The following EIF3L variants were observed in gnomAD, a reference collection of about 807,000 sequenced individuals.
The protein encoded by EIF3L is eIEF associated protein HSPC021.
Under a neutral mutation model 74.6 loss-of-function variants are expected in EIF3L, and 32 were observed. The ratio of observed to expected loss-of-function variants is 0.43; its 90% CI spans 0.32 to 0.58. The LOEUF is 0.58. EIF3L is among the 20% of genes least tolerant of loss of function. The pLI, the probability that EIF3L is intolerant of heterozygous loss-of-function variation, is 0.06. For missense variants in EIF3L, 474 were observed against 707.8 expected, an observed-to-expected ratio of 0.67 and a Z score of 3.75; for synonymous variants, 256 against 254.4, an observed-to-expected ratio of 1.01 and a Z score of -0.06.
intron 3 of EIF3L, among the ~76,000 whole-genome samples, chr22:37,854,571 G>A (rs745656183): frequency 1.3e-5 from 2 of 152,218 alleles, no homozygotes; most frequent in African/African-American, 2.4e-5. Flanking sequence ...GGCTCCAAGC[G>A]ATTCTCCTGC....
chr22:37,858,561 C>T, intron 4 of EIF3L, 118 bp from the exon 5 acceptor site: 1 of 869,880 alleles, frequency 1.1e-6, no homozygotes, highest in Non-Finnish European at 1.9e-6. Flanking sequence ...ATATGCATAG[C>T]AATTTAGATG....
At chr22:37,873,983 T>C (rs1164287803) in intron 8 of EIF3L, among the ~76,000 whole-genome samples, 1 of 152,208 alleles carries the variant, frequency 6.6e-6, no homozygotes. Context: ...ACATAGTGTT[T>C]GCATCATGCA....
intron 4 of EIF3L, among the ~76,000 whole-genome samples, chr22:37,857,552 C>T (rs1346245164): frequency 1.3e-5 from 2 of 150,610 alleles, no homozygotes; most frequent in African/African-American, 2.4e-5. Flanking sequence ...TTTTTTTCCC[C>T]CTAAGATGGA....
intron 11 of EIF3L, 82 bp downstream of exon 11, chr22:37,878,253 C>T (rs541985241): frequency 4.1e-5 from 61 of 1,490,068 alleles, no homozygotes; most frequent in Admixed American, 6.8e-5. Context: ...TGAAGTATAT[C>T]GGGGAACAAA....
intron 3 of EIF3L, among the ~76,000 whole-genome samples, chr22:37,853,749 C>G (rs1247989283): frequency 6.6e-6 from 1 of 151,920 alleles, no homozygotes; most frequent in Non-Finnish European, 1.5e-5. Flanking sequence ...GATATTTGCC[C>G]TTTTTTTTCT....
At chr22:37,858,830 A>G in intron 5 of EIF3L, 90 bp downstream of exon 5, 1 of 1,183,454 alleles carries the variant, frequency 8.4e-7, no homozygotes, top group Non-Finnish European at 1.2e-6. Flanking sequence ...ATTTGTTTAT[A>G]TTGGTTCAGT....
intron 7 of EIF3L, among the ~76,000 whole-genome samples, chr22:37,868,312 A>G (rs1033520832): frequency 6.8e-6 from 1 of 146,928 alleles, no homozygotes; most frequent in African/African-American, 2.5e-5. Flanking sequence ...TTTAGTAGAG[A>G]CGGGGTTTCA....
At chr22:37,876,062 T>C in intron 10 of EIF3L, 51 bp downstream of exon 10, 1 of 1,572,400 alleles carries the variant, frequency 6.4e-7, no homozygotes, top group South Asian at 1.1e-5. Flanking sequence ...AGGGGGATCC[T>C]TGGCACCTAT....
Position 37,886,750 on chromosome 22 carries a change from T to G in EIF3L, c.1576-15T>G, listed in dbSNP as rs911766801. 10 of 1,603,810 alleles carry G rather than the reference T, an allele frequency of 6.2e-6. No individual in the cohort carries two copies. The stretch of plus-strand genomic sequence containing the variant: ...CCACCTGGCTGCTCTTCCCTGACTG[T>G]GCTTTCCCCCACAGGACATGATCCA... On this transcript the variant is annotated splice_polypyrimidine_tract_variant and intron_variant, in intron 11 of 12. Coordinates refer to ENST00000652021, the MANE Select transcript of EIF3L (RefSeq NM_016091.4).
At chr22:37,870,580 T>G (rs1480507669) in intron 8 of EIF3L, among the ~76,000 whole-genome samples, 1 of 152,222 alleles carries the variant, frequency 6.6e-6, no homozygotes, top group Non-Finnish European at 1.5e-5. Flanking sequence ...AGATTTGCGT[T>G]TGTAAACACT....
intron 3 of EIF3L, among the ~76,000 whole-genome samples, chr22:37,853,283 A>G (rs1925328192): frequency 6.6e-6 from 1 of 152,218 alleles, no homozygotes; most frequent in Admixed American, 6.6e-5. Context: ...TGAGGGGCAC[A>G]AGGCAGAAGA....
chr22:37,872,393 G>C (rs1926524227), intron 8 of EIF3L, among the ~76,000 whole-genome samples: 1 of 152,046 alleles, frequency 6.6e-6, no homozygotes, highest in Admixed American at 6.6e-5. Context: ...CAAAGTGCTG[G>C]GGTTACATGC....
At position 37,888,529 on chromosome 22, in the gene EIF3L, G is replaced by A. The variant is rs8646; in HGVS notation, c.*65G>A. 3.8e-4 allele frequency: 595 copies of A among 1,554,030 alleles called. 5 individuals are homozygous for A. In the African/African-American group the frequency reaches 7.2e-3, roughly 19 times the overall value. On this transcript the variant is annotated 3_prime_UTR_variant, in exon 13 of 13. Coordinates refer to ENST00000652021, the MANE Select transcript of EIF3L (RefSeq NM_016091.4). ...ATAGGCAGGAAGTGTTTTTGCTACC[G>A]TGAAACCTTTACCTAGATCAGCCAT...
intron 3 of EIF3L, among the ~76,000 whole-genome samples, chr22:37,851,881 G>A (rs1402702476): frequency 6.6e-6 from 1 of 151,724 alleles, no homozygotes; most frequent in Non-Finnish European, 1.5e-5. Flanking sequence ...TTGGCCAGGC[G>A]TGTGTTGAAC....
At chr22:37,867,487 C>T (rs532919826) in intron 7 of EIF3L, among the ~76,000 whole-genome samples, 6 of 151,792 alleles carry the variant, frequency 4.0e-5, no homozygotes, top group Non-Finnish European at 7.4e-5. Context: ...GGTGAAACCC[C>T]GTCTCTACTA....
In EIF3L at chr22:37,851,222, C is replaced by T. The variant is rs527471568; in HGVS notation, c.83-58C>T. 222 of 1,490,300 alleles carry T rather than the reference C, an allele frequency of 1.5e-4. 1 individual carries two copies. The East Asian group carries it at 3.3e-3, about 22-fold the overall frequency. 92.3% of individuals were successfully genotyped at this position (1,490,300 alleles called of 1,614,324 possible). A position where few individuals can be genotyped will look rare whatever the true frequency, so the allele number is the denominator to read the frequency against. On this transcript the variant is annotated intron_variant, in intron 2 of 12. Coordinates refer to ENST00000652021, the MANE Select transcript of EIF3L (RefSeq NM_016091.4). ...AGTTTCTGGGGTGGTCTTGCCATTT[C>T]GTTCTATCATATATGTGGGTTTGAG...
chr22:37,886,000 C>CT (rs1266929924), intron 11 of EIF3L: 1 of 150,776 alleles, frequency 6.6e-6, no homozygotes, highest in Admixed American at 6.6e-5. Context: ...ACCATCCTGG[C>CT]TAACATGGTG....
intron 7 of EIF3L, among the ~76,000 whole-genome samples, chr22:37,869,548 T>G (rs1301476749): frequency 1.3e-5 from 2 of 152,178 alleles, no homozygotes; most frequent in Non-Finnish European, 2.9e-5. Context: ...TAGGTAGGTC[T>G]GTTGTGTTCC....
At chr22:37,886,567 CA>C (rs1010230016) in intron 11 of EIF3L, 197 bp from the exon 12 acceptor site, 9,820 of 297,874 alleles carry the variant, frequency 0.033, no homozygotes, top group South Asian at 0.061. Context: ...AACTCCATCT[CA>C]AAAAAAAAAA....
Sources: gnomAD v4.1 joint callset for allele counts (sites outside exome capture counted in the v4.1 genomes callset) on GRCh38, gnomAD v4.1.1 for gene constraint, MANE v1.5 for transcripts, NCBI Gene and HGNC (gene_info 2026-07-23, HGNC 2026-07-21) for gene names.